Variants in INSL6 observed in about 807,000 individuals in gnomAD.
INSL6 encodes the protein insulin like 6.
Under a neutral mutation model 9.4 loss-of-function variants are expected in INSL6, and 16 were observed. The ratio of observed to expected loss-of-function variants is 1.70; its 90% CI spans 1.15 to 2.59. The LOEUF is 2.59. Ranked by LOEUF, INSL6 falls within the 30% of genes most tolerant of loss-of-function variation. The probability of loss-of-function intolerance (pLI) is 0.00; values close to 1 mark genes in which losing one functional copy is unlikely to be tolerated. For missense variants in INSL6, 391 were observed against 257.3 expected (o/e 1.52, Z -3.56); for synonymous variants, 154 against 96.9 (o/e 1.59, Z -3.46).
At chr9:5,114,099 G>A in the INSL6 span, 5 of 333,744 alleles carry the variant, frequency 1.5e-5, no homozygotes, top group East Asian at 7.5e-5. Context: ...CTGGCTGCCC[G>A]ACCACACCTA....
the INSL6 span, among the ~76,000 whole-genome samples, chr9:5,057,708 G>A: frequency 6.7e-6 from 1 of 149,878 alleles, no homozygotes; most frequent in East Asian, 2.0e-4. Flanking sequence ...TCAGCCTCCC[G>A]ATAGCTGGGA....
chr9:5,005,086 T>C, the INSL6 span, among the ~76,000 whole-genome samples: 1 of 13,004 alleles, frequency 7.7e-5, no homozygotes, highest in African/African-American at 4.0e-4. Context: ...CTGGCTAATT[T>C]TTTTTTTTTT....
chr9:5,069,713 G>A, the INSL6 span, among the ~76,000 whole-genome samples: 1 of 152,022 alleles, frequency 6.6e-6, no homozygotes, highest in African/African-American at 2.4e-5. Flanking sequence ...AGTTAAGGAA[G>A]TGATTATAAT....
the INSL6 span, chr9:5,050,571 A>T: frequency 9.0e-7 from 1 of 1,105,092 alleles, no homozygotes; most frequent in Non-Finnish European, 1.3e-6. Context: ...GAGCCTGGCC[A>T]ATTTGTATCT....
chr9:4,998,152 CA>C, the INSL6 span, among the ~76,000 whole-genome samples: 1 of 152,098 alleles, frequency 6.6e-6, no homozygotes, highest in Non-Finnish European at 1.5e-5. Flanking sequence ...TTTTTATAGA[CA>C]AACTCGTCAC....
chr9:5,086,520 T>G, the INSL6 span, among the ~76,000 whole-genome samples: 1 of 152,202 alleles, frequency 6.6e-6, no homozygotes, highest in Non-Finnish European at 1.5e-5. Context: ...CCACATTCCT[T>G]GAATACTTTT....
chr9:5,025,489 TC>T, the INSL6 span, among the ~76,000 whole-genome samples: 1 of 151,936 alleles, frequency 6.6e-6, no homozygotes, highest in South Asian at 2.1e-4. Context: ...TCTTTCTTGC[TC>T]CTTCTTTCTT....
At chr9:5,154,712 A>G (rs1824782145) in intron 2 of INSL6, among the ~76,000 whole-genome samples, 1 of 152,258 alleles carries the variant, frequency 6.6e-6, no homozygotes, top group Admixed American at 6.5e-5. Flanking sequence ...CAGCCAAAAG[A>G]CACATGAAAA....
the INSL6 span, among the ~76,000 whole-genome samples, chr9:5,006,491 C>T: frequency 2.6e-5 from 4 of 152,070 alleles, no homozygotes; most frequent in Admixed American, 2.0e-4. Context: ...CTATCTGAGA[C>T]TGGGTAGTTT....
chr9:5,137,569 A>C (rs1824409589), intron 2 of INSL6, among the ~76,000 whole-genome samples: 1 of 152,162 alleles, frequency 6.6e-6, no homozygotes, highest in Non-Finnish European at 1.5e-5. Flanking sequence ...CCTTCCTTAC[A>C]CCTTATACAA....
chr9:5,066,679 A>G, the INSL6 span: 1 of 1,562,748 alleles, frequency 6.4e-7, no homozygotes, highest in Non-Finnish European at 8.8e-7. Context: ...TACCTTTAGG[A>G]TGGATTTTGC....
the INSL6 span, chr9:5,086,135 G>GCGGCCCCGC: frequency 2.5e-6 from 1 of 392,532 alleles, no homozygotes; most frequent in Non-Finnish European, 4.5e-6. Context: ...CGCGGCCCCG[G>GCGGCCCCGC]CGGCCCCGCA....
intron 2 of INSL6, among the ~76,000 whole-genome samples, chr9:5,139,231 C>T (rs1047554674): frequency 1.3e-5 from 2 of 151,982 alleles, no homozygotes; most frequent in Non-Finnish European, 2.9e-5. Flanking sequence ...TGTAGTATAG[C>T]ATTGTGGCTT....
At chr9:5,005,526 A>G in the INSL6 span, among the ~76,000 whole-genome samples, 13 of 152,180 alleles carry the variant, frequency 8.5e-5, no homozygotes, top group African/African-American at 3.1e-4. Context: ...TTTGGTCAAG[A>G]TGTATTCTTT....
At chr9:5,080,089 G>C in the INSL6 span, 1 of 592,104 alleles carries the variant, frequency 1.7e-6, no homozygotes, top group Non-Finnish European at 2.9e-6. Flanking sequence ...GCAGTCATGT[G>C]CATGTGCACA....
intron 2 of INSL6, among the ~76,000 whole-genome samples, chr9:5,151,933 A>C (rs1824721141): frequency 6.6e-6 from 1 of 152,202 alleles, no homozygotes; most frequent in Non-Finnish European, 1.5e-5. Flanking sequence ...GTTAAAAATA[A>C]AAGATTGGGA....
chr9:5,077,806 A>G, the INSL6 span, among the ~76,000 whole-genome samples: 1 of 152,240 alleles, frequency 6.6e-6, no homozygotes, highest in African/African-American at 2.4e-5. Flanking sequence ...TAGAACTACT[A>G]ATAGACAATC....
At chr9:5,128,097 TGTGTGTG>T (rs1824121758) in intron 3 of INSL6, 3 of 231,684 alleles carry the variant, frequency 1.3e-5, no homozygotes, top group African/African-American at 6.7e-5. Flanking sequence ...TGTGTGTGTG[TGTGTGTG>T]TGTGTGTGTG....
chr9:5,092,140 G>C, the INSL6 span, among the ~76,000 whole-genome samples: 1 of 152,038 alleles, frequency 6.6e-6, no homozygotes, highest in African/African-American at 2.4e-5. Flanking sequence ...TCAACGTGTA[G>C]CTCATGAGGT....
Sources: allele counts gnomAD v4.1 joint callset (sites outside exome capture counted in the v4.1 genomes callset), GRCh38; gene constraint gnomAD v4.1.1; transcripts MANE v1.5; gene names NCBI Gene and HGNC (gene_info 2026-07-23, HGNC 2026-07-21).